The following SCN10A variants were observed in gnomAD, a reference collection of about 807,000 sequenced individuals.
SCN10A encodes the protein sodium voltage-gated channel alpha subunit 10.
In SCN10A, 162 loss-of-function variants were observed where a neutral mutation model predicts 170.7. That is an observed-to-expected ratio of 0.95 (90% confidence interval 0.84 to 1.08). The LOEUF is 1.08. SCN10A is among the 50% of genes least tolerant of loss of function. SCN10A has a pLI of 0.00. For missense variants in SCN10A, 2,527 were observed against 2,436.9 expected, an observed-to-expected ratio of 1.04 and a Z score of -0.78; for synonymous variants, 985 against 904.6, an observed-to-expected ratio of 1.09 and a Z score of -1.59.
At chr3:38,763,847 C>T (rs2063902994) in intron 5 of SCN10A, among the ~76,000 whole-genome samples, 1 of 152,218 alleles carries the variant, frequency 6.6e-6, no homozygotes, top group African/African-American at 2.4e-5. Context: ...TCTTCAAACA[C>T]AGGAGTTTGA....
chr3:38,810,068 A>G (rs2064430528), intron 1 of SCN10A, among the ~76,000 whole-genome samples: 1 of 152,114 alleles, frequency 6.6e-6, no homozygotes, highest in Non-Finnish European at 1.5e-5. Flanking sequence ...GAAGTTCCCC[A>G]CTGGGAACTT....
chr3:38,743,727 T>C (rs2063657877), intron 13 of SCN10A, among the ~76,000 whole-genome samples: 1 of 152,202 alleles, frequency 6.6e-6, no homozygotes, highest in African/African-American at 2.4e-5. Context: ...TCTGTTTTTG[T>C]CTCCCTTTTC....
chr3:38,788,527 G>T (rs1032038290), intron 4 of SCN10A, among the ~76,000 whole-genome samples: 2 of 150,806 alleles, frequency 1.3e-5, no homozygotes, highest in Non-Finnish European at 2.9e-5. Context: ...TTTTGCTCCT[G>T]TCTCTCTTTC....
At position 38,726,925 on chromosome 3, in the gene SCN10A, C is replaced by G. The variant is rs759458296; in HGVS notation, c.2768G>C (p.Arg923Pro). The stretch of plus-strand genomic sequence containing the variant: ...GAAGCTGCAAAGAGCCTGTTTGGTA[C>G]GATGGCCAAAGACCTGGATCCGTGC... ...ALARIQVFGH[R>P]TKQALCSFFS... Residue 923 changes from arginine (R) to proline (P), a missense_variant, in exon 17 of 28, where the codon CGT (arginine) becomes CCT (proline). By Grantham distance (103) the Arg-to-Pro change is moderately radical (BLOSUM62 -2). Transcript: ENST00000449082. 8.1e-6 allele frequency: 13 copies of G among 1,614,088 alleles called. No homozygotes were observed. Among genetic ancestry groups the G allele is most frequent in the Non-Finnish European group, 1.1e-5 (13 of 1,180,038 alleles).
At chr3:38,786,493 G>T (rs979261268) in intron 4 of SCN10A, among the ~76,000 whole-genome samples, 12 of 152,116 alleles carry the variant, frequency 7.9e-5, no homozygotes, top group Non-Finnish European at 1.8e-4. Flanking sequence ...TTGGGGGCTA[G>T]GGGAGGGATA....
intron 15 of SCN10A, among the ~76,000 whole-genome samples, chr3:38,730,106 T>A (rs1331690583): frequency 6.6e-6 from 1 of 152,182 alleles, no homozygotes; most frequent in East Asian, 1.9e-4. Context: ...GTCCATGGCC[T>A]GCCGAAGGTT....
chr3:38,767,565 G>C (rs539434769), intron 5 of SCN10A, among the ~76,000 whole-genome samples: 2 of 152,074 alleles, frequency 1.3e-5, no homozygotes, highest in African/African-American at 4.8e-5. Flanking sequence ...TTCTTTTGGA[G>C]TTAACTCCGA....
chr3:38,749,449 G>A (rs1262716171), intron 13 of SCN10A, among the ~76,000 whole-genome samples: 1 of 152,178 alleles, frequency 6.6e-6, no homozygotes, highest in East Asian at 1.9e-4. Context: ...TGTGTGGATA[G>A]GTGGCCATGA....
chr3:38,797,961 T>A (rs1190328154), intron 1 of SCN10A, among the ~76,000 whole-genome samples: 1 of 152,160 alleles, frequency 6.6e-6, no homozygotes, highest in Non-Finnish European at 1.5e-5. Context: ...GTGATGTAGG[T>A]ATGAGGGACC....
At chr3:38,731,602 C>T (rs2063513689) in intron 15 of SCN10A, among the ~76,000 whole-genome samples, 1 of 152,192 alleles carries the variant, frequency 6.6e-6, no homozygotes, top group Non-Finnish European at 1.5e-5. Context: ...CTGAAACTCC[C>T]TCCCCTTGTG....
At position 38,726,653 on chromosome 3, in the gene SCN10A, C is replaced by T; in HGVS notation, c.3040G>A (p.Gly1014Arg). Reference protein sequence around the residue: ...SDLDDLEDDGGEDAQSFQQEV... With the variant: ...SDLDDLEDDGREDAQSFQQEV... ...TGCTGGAAGCTCTGAGCATCTTCCC[C>T]ACCATCATCCTCCAAGTCATCAAGA... The change falls in exon 17 of 28, where the codon GGG becomes AGG. Residue 1014 changes from glycine to arginine, a missense_variant. By Grantham distance (125) the Gly-to-Arg change is moderately radical. Transcript: ENST00000449082. 1 of 1,604,608 alleles carries T rather than the reference C, an allele frequency of 6.2e-7. No homozygotes were observed. Among genetic ancestry groups the T allele is most frequent in the Non-Finnish European group, 8.5e-7 (1 of 1,172,414 alleles).
chr3:38,803,090 C>T (rs1559472565), intron 1 of SCN10A, among the ~76,000 whole-genome samples: 1 of 152,118 alleles, frequency 6.6e-6, no homozygotes, highest in Non-Finnish European at 1.5e-5. Context: ...CAAATCAAAA[C>T]CACAATGAGA....
intron 1 of SCN10A, among the ~76,000 whole-genome samples, chr3:38,801,403 A>G (rs531084190): frequency 1.2e-4 from 18 of 152,320 alleles, no homozygotes; most frequent in African/African-American, 4.1e-4. Flanking sequence ...CTAAGAACCA[A>G]TGAAGGTCTG....
chr3:38,797,409 T>C (rs1204640597), intron 1 of SCN10A, among the ~76,000 whole-genome samples: 1 of 152,164 alleles, frequency 6.6e-6, no homozygotes, highest in Non-Finnish European at 1.5e-5. Flanking sequence ...CTGAGAGCTT[T>C]CCCTCACCCT....
chr3:38,700,058 T>C (rs62243862), intron 27 of SCN10A, among the ~76,000 whole-genome samples: 26,712 of 152,122 alleles, frequency 0.18, 2,926 homozygotes, highest in East Asian at 0.46. Context: ...GCTCCCTTCT[T>C]TAATATAAAA....
intron 18 of SCN10A, 86 bp downstream of exon 18, chr3:38,725,088 C>A: frequency 6.0e-6 from 8 of 1,342,090 alleles, no homozygotes; most frequent in African/African-American, 1.5e-5. Context: ...AATACCCCAC[C>A]TTCACCGCCA....
In SCN10A at chr3:38,746,063, GTATATATA is replaced by G. The variant is rs1553619550; in HGVS notation, c.1868-3542_1868-3535del. Among the ~76,000 whole-genome samples, 85 of 61,670 alleles carry G rather than the reference GTATATATA, an allele frequency of 1.4e-3. 3 individuals carry two copies. Among genetic ancestry groups the G allele is most frequent in the African/African-American group, 2.7e-3 (57 of 20,950 alleles). The allele number at this position is 61,670 out of a possible 152,430, so 40.5% of individuals were successfully genotyped here. On this transcript the variant is annotated intron_variant, in intron 13 of 27. Transcript: ENST00000449082. The stretch of plus-strand genomic sequence containing the variant: ...TACATATATATATGTGTGTGTATGT[GTATATATA>G]TATATATATATATATATATATATAT...
chr3:38,771,201 C>T (rs1210720542), intron 5 of SCN10A, 78 bp downstream of exon 5: 6 of 1,523,100 alleles, frequency 3.9e-6, no homozygotes, highest in Non-Finnish European at 4.5e-6. Context: ...GTGGGACCTG[C>T]ATGTTAGCCC....
intron 1 of SCN10A, among the ~76,000 whole-genome samples, chr3:38,814,403 C>T (rs2064459290): frequency 6.6e-6 from 1 of 152,032 alleles, no homozygotes; most frequent in Non-Finnish European, 1.5e-5. Context: ...GGGGCTGACA[C>T]TCACAAAAAA....
Sources: allele counts gnomAD v4.1 joint callset (sites outside exome capture counted in the v4.1 genomes callset), GRCh38; gene constraint gnomAD v4.1.1; transcripts MANE v1.5; gene names NCBI Gene and HGNC (gene_info 2026-07-23, HGNC 2026-07-21).